CSMD1: variants seen among roughly 807,000 people sequenced by gnomAD.
CSMD1 encodes the protein CUB and sushi domain-containing protein 1.
Under a neutral mutation model 417.5 loss-of-function variants are expected in CSMD1, and 213 were observed. That is an observed-to-expected ratio of 0.51 (90% CI 0.46 to 0.57). The LOEUF is 0.57. CSMD1 is among the 20% of genes least tolerant of loss of function. The probability of loss-of-function intolerance (pLI) is 0.00; values close to 1 mark genes in which losing one functional copy is unlikely to be tolerated. For missense variants in CSMD1, 6,923 were observed against 4,529.7 expected, an observed-to-expected ratio of 1.53 and a Z score of -15.17; for synonymous variants, 2,862 against 1,736.8, an observed-to-expected ratio of 1.65 and a Z score of -16.11.
intron 30 of CSMD1, among the ~76,000 whole-genome samples, chr8:3,214,028 C>T (rs369095243): frequency 6.6e-5 from 10 of 151,842 alleles, no homozygotes; most frequent in South Asian, 2.1e-4. Flanking sequence ...GTATTTTTAG[C>T]GGAGACAGGG....
Position 3,775,434 on chromosome 8 carries a change from G to C in CSMD1, c.819-21392C>G, listed in dbSNP as rs1410338815. ...CACAGCAATTAAAAACAAGTACTTTGGGGAGGGGGCAAAAACAATCATTTA... is the reference window on the plus strand; with the variant it reads ...CACAGCAATTAAAAACAAGTACTTTCGGGAGGGGGCAAAAACAATCATTTA... On this transcript the variant is annotated intron_variant, in intron 5 of 69. Coordinates refer to ENST00000635120, the MANE Select transcript of CSMD1 (RefSeq NM_033225.6). Among the ~76,000 whole-genome samples the C allele has an allele frequency of 2.6e-5, 4 of 152,136 alleles. No individual in the cohort carries two copies. The East Asian group carries it at 5.8e-4, about 22-fold the overall frequency.
intron 3 of CSMD1, among the ~76,000 whole-genome samples, chr8:4,312,331 A>G (rs1366601655): frequency 6.6e-6 from 1 of 150,676 alleles, no homozygotes; most frequent in African/African-American, 2.4e-5. Flanking sequence ...ACTTTTTTAA[A>G]AGCAATTTAA....
chr8:4,523,589 A>C (rs1803603276), intron 2 of CSMD1, among the ~76,000 whole-genome samples: 4 of 152,100 alleles, frequency 2.6e-5, no homozygotes, highest in Admixed American at 2.6e-4. Context: ...AAATAACAGA[A>C]TATTAGTGTG....
chr8:3,987,653 G>C (rs796854506), intron 5 of CSMD1, among the ~76,000 whole-genome samples: 10 of 152,300 alleles, frequency 6.6e-5, no homozygotes, highest in Admixed American at 5.9e-4. Context: ...TGATAAAGCA[G>C]AAGAGACAGT....
intron 6 of CSMD1, among the ~76,000 whole-genome samples, chr8:3,722,869 C>T (rs1285294114): frequency 6.6e-6 from 1 of 151,940 alleles, no homozygotes; most frequent in Non-Finnish European, 1.5e-5. Flanking sequence ...GAACTAGCTG[C>T]TTTTTCATGG....
At chr8:4,611,123 G>C (rs1801143990) in intron 2 of CSMD1, among the ~76,000 whole-genome samples, 1 of 151,922 alleles carries the variant, frequency 6.6e-6, no homozygotes, top group African/African-American at 2.4e-5. Flanking sequence ...CAGAGATAAT[G>C]GCTGTTACTG....
chr8:3,425,167 T>C (rs187415154), intron 12 of CSMD1, among the ~76,000 whole-genome samples: 7 of 152,314 alleles, frequency 4.6e-5, no homozygotes, highest in South Asian at 4.1e-4. Context: ...GTGTCTAGCC[T>C]GTCAATTAAA....
chr8:3,671,136 G>C (rs1398963224), intron 7 of CSMD1, among the ~76,000 whole-genome samples: 4 of 146,272 alleles, frequency 2.7e-5, no homozygotes, highest in Non-Finnish European at 3.0e-5. Context: ...ATATGTATGG[G>C]ATATATGTAT....
chr8:4,747,297 G>T (rs113311730), intron 1 of CSMD1, among the ~76,000 whole-genome samples: 1 of 152,086 alleles, frequency 6.6e-6, no homozygotes, highest in Non-Finnish European at 1.5e-5. Flanking sequence ...TACTCTGAAC[G>T]GAGCCTGCTC....
chr8:3,500,377 G>C (rs1386604237), intron 10 of CSMD1, among the ~76,000 whole-genome samples: 2 of 152,266 alleles, frequency 1.3e-5, no homozygotes, highest in East Asian at 1.9e-4. Context: ...TGGCCAGTGA[G>C]CATTTAGAAA....
At chr8:3,839,223 T>C (rs1802935282) in intron 5 of CSMD1, among the ~76,000 whole-genome samples, 1 of 125,408 alleles carries the variant, frequency 8.0e-6, no homozygotes, top group Non-Finnish European at 1.6e-5. Context: ...ATATATAGTA[T>C]AATATATAAT....
chr8:3,298,517 G>T (rs1188857705), intron 25 of CSMD1, among the ~76,000 whole-genome samples: 1 of 152,196 alleles, frequency 6.6e-6, no homozygotes, highest in South Asian at 2.1e-4. Context: ...GCAATGGAAT[G>T]ATCGTGGCTC....
Position 3,844,532 on chromosome 8 carries a change from T to G in CSMD1, c.819-90490A>C, listed in dbSNP as rs144202517. 4.4e-3 allele frequency among the ~76,000 whole-genome samples: 664 copies of G among 152,268 alleles called. 2 individuals carry two copies. Among genetic ancestry groups the G allele is most frequent in the Non-Finnish European group, 7.7e-3 (526 of 68,028 alleles). ...GTAACTTCATCATCTTTTAGCAGAATTGTCACAGAGGGAAAAATTGGATTT... is the reference window on the plus strand; with the variant it reads ...GTAACTTCATCATCTTTTAGCAGAAGTGTCACAGAGGGAAAAATTGGATTT... On this transcript the variant is annotated intron_variant, in intron 5 of 69. Coordinates refer to ENST00000635120, the MANE Select transcript of CSMD1 (RefSeq NM_033225.6).
intron 5 of CSMD1, among the ~76,000 whole-genome samples, chr8:3,899,178 C>A (rs952162729): frequency 6.6e-6 from 1 of 152,172 alleles, no homozygotes; most frequent in Admixed American, 6.5e-5. Context: ...GTGCTTACGG[C>A]CTAGGACAGG....
At chr8:3,033,573 G>C (rs1385390595) in intron 50 of CSMD1, among the ~76,000 whole-genome samples, 2 of 151,928 alleles carry the variant, frequency 1.3e-5, no homozygotes, top group Admixed American at 1.3e-4. Flanking sequence ...CACAGGGAGG[G>C]GAACATCACA....
chr8:3,968,323 G>T (rs538232054), intron 5 of CSMD1, among the ~76,000 whole-genome samples: 4 of 152,244 alleles, frequency 2.6e-5, no homozygotes, highest in Non-Finnish European at 5.9e-5. Context: ...GTATTGCCTG[G>T]ACAGAGGGCT....
chr8:3,637,810 T>C (rs1278186905), intron 7 of CSMD1, among the ~76,000 whole-genome samples: 2 of 152,154 alleles, frequency 1.3e-5, no homozygotes, highest in African/African-American at 2.4e-5. Context: ...TGGGAAGTAA[T>C]TGAATCTTGG....
intron 2 of CSMD1, among the ~76,000 whole-genome samples, chr8:4,538,883 A>G (rs1230185802): frequency 6.6e-6 from 1 of 152,196 alleles, no homozygotes; most frequent in Non-Finnish European, 1.5e-5. Context: ...CTTGCTTACC[A>G]AAGTTCCCCT....
chr8:4,630,869 G>T (rs1802469106), intron 2 of CSMD1, among the ~76,000 whole-genome samples: 1 of 152,084 alleles, frequency 6.6e-6, no homozygotes, highest in African/African-American at 2.4e-5. Context: ...CCCTGGTTCT[G>T]GGATCCTCCC....
Sources: allele counts gnomAD v4.1 joint callset (sites outside exome capture counted in the v4.1 genomes callset), GRCh38; gene constraint gnomAD v4.1.1; transcripts MANE v1.5; gene names NCBI Gene and HGNC (gene_info 2026-07-23, HGNC 2026-07-21).